The following PRKAG2 variants were observed in gnomAD, a reference collection of about 807,000 sequenced individuals.
PRKAG2 encodes the protein protein kinase AMP-activated non-catalytic subunit gamma 2, also known as 5'-AMP-activated protein kinase subunit gamma-2.
Under a neutral mutation model 69.6 loss-of-function variants are expected in PRKAG2, and 26 were observed. That is an observed-to-expected ratio of 0.37 (90% CI 0.27 to 0.52). The LOEUF (loss-of-function observed/expected upper bound fraction) is 0.52, where lower values mean the gene tolerates loss of function less well. PRKAG2 is among the 20% of genes least tolerant of loss of function. The pLI is 0.90. For synonymous variants in PRKAG2, 293 were observed against 285.0 expected (o/e 1.03, Z -0.28); for missense variants, 557 against 740.0 (o/e 0.75, Z 2.87).
At chr7:151,875,545 T>C (rs2080367718) in intron 1 of PRKAG2, among the ~76,000 whole-genome samples, 1 of 149,610 alleles carries the variant, frequency 6.7e-6, no homozygotes. Flanking sequence ...AAAATAACTT[T>C]CTCTACGGAG....
intron 15 of PRKAG2, chr7:151,558,809 CA>C (rs1379183744): frequency 1.0e-6 from 1 of 985,304 alleles, no homozygotes; most frequent in African/African-American, 1.7e-5. Flanking sequence ...AGGGGCATTG[CA>C]ATGACTTAGA....
intron 3 of PRKAG2, among the ~76,000 whole-genome samples, chr7:151,697,524 C>T (rs117045205): frequency 0.027 from 4,042 of 152,204 alleles, 74 homozygotes; most frequent in Middle Eastern, 0.068. Flanking sequence ...GGGGAAGCCC[C>T]GGAGCCCCTG....
At chr7:151,639,891 GTCAA>G (rs199740167) in intron 4 of PRKAG2, among the ~76,000 whole-genome samples, 24 of 152,114 alleles carry the variant, frequency 1.6e-4, no homozygotes, top group Middle Eastern at 3.4e-3. Flanking sequence ...CTATCAGTCA[GTCAA>G]TCAATCAATC....
At chr7:151,789,932 C>T (rs1475021178) in intron 1 of PRKAG2, among the ~76,000 whole-genome samples, 1 of 152,188 alleles carries the variant, frequency 6.6e-6, no homozygotes. Flanking sequence ...GTTCTCTGTT[C>T]CGGTCTCCTC....
intron 5 of PRKAG2, among the ~76,000 whole-genome samples, chr7:151,603,842 G>C (rs911490110): frequency 1.3e-5 from 2 of 152,172 alleles, no homozygotes; most frequent in East Asian, 3.9e-4. Context: ...TTAATGGCAA[G>C]GAGTTATGCC....
rs1563773337 is a variant in PRKAG2, at chr7:151,874,510, T to TG, written c.114+1996_114+1997insC. Among the ~76,000 whole-genome samples, 17 of 111,100 alleles carry TG rather than the reference T, an allele frequency of 1.5e-4. 2 individuals carry two copies. Among genetic ancestry groups the TG allele is most frequent in the African/African-American group, 6.5e-4 (16 of 24,614 alleles). 72.9% of individuals were successfully genotyped at this position (111,100 alleles called of 152,430 possible). A position where few individuals can be genotyped will look rare whatever the true frequency, so the allele number is the denominator to read the frequency against. ...ATATGATGTATATGTATATGATGTA[T>TG]ATGTATATGTATATGATGTATATGT... On this transcript the variant is annotated intron_variant, in intron 1 of 15. Transcript: ENST00000287878.
intron 1 of PRKAG2, among the ~76,000 whole-genome samples, chr7:151,856,075 A>T (rs116998449): frequency 0.014 from 2,139 of 152,364 alleles, 42 homozygotes; most frequent in Admixed American, 0.053. Flanking sequence ...CAGCAAATGA[A>T]GAAAGAAGAT....
At chr7:151,797,924 A>T (rs778398295) in intron 1 of PRKAG2, among the ~76,000 whole-genome samples, 2 of 152,244 alleles carry the variant, frequency 1.3e-5, no homozygotes, top group East Asian at 3.8e-4. Flanking sequence ...ACTGAATTAC[A>T]ATAAGAATGT....
In PRKAG2 at chr7:151,644,896, T is replaced by G. The variant is rs566180974; in HGVS notation, c.685-12758A>C. ...TAGTCATTCTAGTGGGTGTATAGGT[T>G]TCTTGCTGTGAGTTTAATTTGCATT... On this transcript the variant is annotated intron_variant, in intron 4 of 15. Transcript: ENST00000287878. Among the ~76,000 whole-genome samples, 10 of 152,358 alleles carry G rather than the reference T, an allele frequency of 6.6e-5. No homozygotes were observed. The South Asian group carries it at 1.7e-3, about 25-fold the overall frequency.
At chr7:151,559,024 G>A (rs1187132223) in intron 15 of PRKAG2, 2 of 985,290 alleles carry the variant, frequency 2.0e-6, no homozygotes, top group East Asian at 2.3e-4. Flanking sequence ...GCTGGAAACG[G>A]GGCATCTTTT....
At chr7:151,592,620 C>T (rs962503465) in intron 6 of PRKAG2, among the ~76,000 whole-genome samples, 3 of 152,154 alleles carry the variant, frequency 2.0e-5, no homozygotes, top group Non-Finnish European at 2.9e-5. Flanking sequence ...CTGATGACGT[C>T]GTATCCTCAG....
intron 1 of PRKAG2, among the ~76,000 whole-genome samples, chr7:151,821,713 CT>C (rs1363691757): frequency 1.3e-5 from 2 of 152,160 alleles, no homozygotes; most frequent in Admixed American, 1.3e-4. Flanking sequence ...AGAAAAATGC[CT>C]CTACTCACCC....
At chr7:151,819,597 T>C (rs1276645871) in intron 1 of PRKAG2, among the ~76,000 whole-genome samples, 3 of 152,140 alleles carry the variant, frequency 2.0e-5, no homozygotes, top group African/African-American at 7.2e-5. Flanking sequence ...GCAAAGACAT[T>C]TGGAGTCATT....
intron 1 of PRKAG2, among the ~76,000 whole-genome samples, chr7:151,804,364 CA>C (rs1255319679): frequency 6.6e-6 from 1 of 152,160 alleles, no homozygotes; most frequent in Non-Finnish European, 1.5e-5. Flanking sequence ...GCTTGCAGGT[CA>C]GTGCATTTAT....
At chr7:151,611,268 C>T (rs1419705405) in intron 5 of PRKAG2, among the ~76,000 whole-genome samples, 4 of 152,192 alleles carry the variant, frequency 2.6e-5, no homozygotes, top group African/African-American at 9.6e-5. Context: ...TTACACCCCT[C>T]GGCATCTTCC....
rs769837560 is a variant in PRKAG2, at chr7:151,835,773, C to G, written c.114+40734G>C. ...TTCCATTGGTCTGGATCGGACATCCCGGGGGCTCTCGTGGGCAGCCTGGTG... is the reference window on the plus strand; with the variant it reads ...TTCCATTGGTCTGGATCGGACATCCGGGGGGCTCTCGTGGGCAGCCTGGTG... On this transcript the variant is annotated intron_variant, in intron 1 of 15. Coordinates refer to ENST00000287878, the MANE Select transcript of PRKAG2 (RefSeq NM_016203.4). The surrounding 1 kb of genome is among the most constrained non-coding windows in gnomAD (Gnocchi z 4.1). Among the ~76,000 whole-genome samples the G allele has an allele frequency of 6.6e-6, 1 of 152,178 alleles. No individual in the cohort carries two copies. The highest frequency in any genetic ancestry group is 1.5e-5 in the Non-Finnish European group (1 of 68,036).
At chr7:151,809,375 A>G in intron 1 of PRKAG2, 3 of 398,450 alleles carry the variant, frequency 7.5e-6, no homozygotes, top group East Asian at 7.5e-5. Flanking sequence ...GCCTCATTCC[A>G]GAGTTGTGGT....
rs531873618 is a variant in PRKAG2, at chr7:151,836,221, G to A, written c.114+40286C>T. Among the ~76,000 whole-genome samples, 1 of 152,244 alleles carries A rather than the reference G, an allele frequency of 6.6e-6. No individual in the cohort carries two copies. The highest frequency in any genetic ancestry group is 2.4e-5 in the African/African-American group (1 of 41,542). ...GTTTTGTCTGTCATCTCTTCCCCAG[G>A]AGACTGAGAGACTCGGGGGAGCAGG... On this transcript the variant is annotated intron_variant, in intron 1 of 15. Coordinates refer to ENST00000287878, the MANE Select transcript of PRKAG2 (RefSeq NM_016203.4). The surrounding 1 kb of genome is among the most constrained non-coding windows in gnomAD (Gnocchi z 4.1).
intron 1 of PRKAG2, chr7:151,810,623 G>A (rs2078368960): frequency 6.5e-6 from 1 of 153,330 alleles, no homozygotes; most frequent in African/African-American, 2.4e-5. Context: ...CCCATGGGCT[G>A]GCTCTGTACC....
Sources: allele counts gnomAD v4.1 joint callset (sites outside exome capture counted in the v4.1 genomes callset), GRCh38; gene constraint gnomAD v4.1.1; non-coding constraint Gnocchi (gnomAD v3.1); transcripts MANE v1.5; gene names NCBI Gene and HGNC (gene_info 2026-07-23, HGNC 2026-07-21).